The following HIVEP3 variants were observed in gnomAD, a reference collection of about 807,000 sequenced individuals.
The protein encoded by HIVEP3 is transcription factor HIVEP3.
In HIVEP3, 49 loss-of-function variants were observed where a neutral mutation model predicts 152.8. The ratio of observed to expected loss-of-function variants is 0.32; its 90% CI spans 0.26 to 0.41. The LOEUF (loss-of-function observed/expected upper bound fraction) is 0.41. Ranked by LOEUF, HIVEP3 falls within the 10% of genes least tolerant of loss-of-function variation. The pLI is 1.00. For missense variants in HIVEP3, 2,790 were observed against 3,103.3 expected, an observed-to-expected ratio of 0.90 and a Z score of 2.40; for synonymous variants, 1,269 against 1,289.0, an observed-to-expected ratio of 0.98 and a Z score of 0.33.
At position 41,861,856 on chromosome 1, in the gene HIVEP3, C is replaced by T. The variant is rs139003858; in HGVS notation, c.-801+56557G>A. 3.5e-3 allele frequency among the ~76,000 whole-genome samples: 529 copies of T among 152,186 alleles called. 1 individual carries two copies. Among genetic ancestry groups the T allele is most frequent in the African/African-American group, 0.011 (477 of 41,514 alleles). On this transcript the variant is annotated intron_variant, in intron 1 of 8. Transcript: ENST00000372583. ...GCTTTTTGTGGGGATGCAGACTAGA[C>T]GAGAGGTGATGAGAACATTAGAAAG...
At chr1:41,968,748 A>G (rs1645212955) in intron 1 of HIVEP3, among the ~76,000 whole-genome samples, 1 of 152,218 alleles carries the variant, frequency 6.6e-6, no homozygotes, top group Non-Finnish European at 1.5e-5. Flanking sequence ...TTATTCAAAT[A>G]GAAACAGAGG....
intron 1 of HIVEP3, among the ~76,000 whole-genome samples, chr1:41,704,441 T>A (rs1646405647): frequency 6.6e-6 from 1 of 152,198 alleles, no homozygotes. Context: ...GCTTAGAGAA[T>A]TCCTTGCAAG....
At chr1:41,784,825 T>C (rs1649254507) in intron 1 of HIVEP3, among the ~76,000 whole-genome samples, 1 of 152,178 alleles carries the variant, frequency 6.6e-6, no homozygotes, top group Admixed American at 6.5e-5. Context: ...ACAAAACAGG[T>C]TTCTGGTGAG....
rs370392307 is a variant in HIVEP3 at position 41,510,582 on chromosome 1, G to C, written c.7090C>G (p.Arg2364Gly). Residue 2364 changes from arginine (R) to glycine (G), a missense_variant, in exon 9 of 9, where the codon CGC becomes GGC. By Grantham distance (125) the Arg-to-Gly change is moderately radical. This residue lies in a region of HIVEP3 where 816 missense variants were observed against 806.5 expected (regional missense o/e 1.01). Transcript: ENST00000372583. ...AGGTTCCTCGTCCGGGCTGGGAAGCGGGCAGAGGCCTCTGCCAGGCAGCCC... is the reference window on the plus strand; with the variant it reads ...AGGTTCCTCGTCCGGGCTGGGAAGCCGGCAGAGGCCTCTGCCAGGCAGCCC... ...SVGCLAEASARFPARTRNLSG... is the reference protein window; with the variant it reads ...SVGCLAEASAGFPARTRNLSG... 35 of 1,559,140 alleles carry C rather than the reference G, an allele frequency of 2.2e-5. No homozygotes were observed. The African/African-American group carries it at 4.1e-4, about 18-fold the overall frequency.
intron 2 of HIVEP3, among the ~76,000 whole-genome samples, chr1:41,642,125 C>T (rs980961112): frequency 6.6e-6 from 1 of 152,224 alleles, no homozygotes; most frequent in Non-Finnish European, 1.5e-5. Context: ...TGCCCATCCT[C>T]TCTTGTGTGA....
chr1:41,522,172 A>G (rs534797122), intron 6 of HIVEP3, among the ~76,000 whole-genome samples: 1 of 152,290 alleles, frequency 6.6e-6, no homozygotes, highest in East Asian at 1.9e-4. Context: ...AGCCCCGGAG[A>G]CAAGGGGCCT....
At chr1:41,946,147 A>G (rs1231171193) in intron 1 of HIVEP3, among the ~76,000 whole-genome samples, 3 of 152,228 alleles carry the variant, frequency 2.0e-5, no homozygotes, top group Non-Finnish European at 4.4e-5. Flanking sequence ...AGTGCAGTCT[A>G]CAAGGACGCT....
chr1:41,676,060 CTTT>C (rs564390010), intron 2 of HIVEP3, among the ~76,000 whole-genome samples: 1 of 147,292 alleles, frequency 6.8e-6, no homozygotes. Flanking sequence ...TCTTTTCTTT[CTTT>C]TTTTTTTTGA....
In HIVEP3 at chr1:41,739,096, G is replaced by A. The variant is rs1230534581; in HGVS notation, c.-800-38101C>T. Among the ~76,000 whole-genome samples, 4 of 152,250 alleles carry A rather than the reference G, an allele frequency of 2.6e-5. No individual in the cohort carries two copies. In the East Asian group the frequency reaches 7.7e-4, roughly 29 times the overall value. Reference sequence around the variant, plus strand: ...AAACAGAAATGTCTGAAAATAGAACGTGAATCGATGCCCCCGACTTGCTGC... The same window carrying A: ...AAACAGAAATGTCTGAAAATAGAACATGAATCGATGCCCCCGACTTGCTGC... On this transcript the variant is annotated intron_variant, in intron 1 of 8. Coordinates refer to ENST00000372583, the MANE Select transcript of HIVEP3 (RefSeq NM_024503.5).
intron 1 of HIVEP3, among the ~76,000 whole-genome samples, chr1:41,779,576 AC>A (rs1444899327): frequency 4.0e-5 from 6 of 151,732 alleles, no homozygotes; most frequent in Non-Finnish European, 8.8e-5. Context: ...GCTCATTGCA[AC>A]CTCCACCTCC....
At chr1:42,020,130 T>C (rs1406681648) in intron 1 of HIVEP3, among the ~76,000 whole-genome samples, 2 of 152,104 alleles carry the variant, frequency 1.3e-5, no homozygotes, top group Non-Finnish European at 2.9e-5. Context: ...TATTTCTGTA[T>C]CTATGTCCAG....
At chr1:41,927,942 T>G (rs1162127441) in intron 1 of HIVEP3, among the ~76,000 whole-genome samples, 1 of 149,900 alleles carries the variant, frequency 6.7e-6, no homozygotes, top group Non-Finnish European at 1.5e-5. Context: ...GTGCCTATAA[T>G]CCCAGCTACT....
At chr1:41,839,585 C>G (rs1643225871) in intron 1 of HIVEP3, among the ~76,000 whole-genome samples, 1 of 152,214 alleles carries the variant, frequency 6.6e-6, no homozygotes, top group South Asian at 2.1e-4. Flanking sequence ...ATGGAACTAA[C>G]AAATCGCAGG....
At chr1:41,912,070 C>T (rs1052376109) in intron 1 of HIVEP3, among the ~76,000 whole-genome samples, 10 of 152,106 alleles carry the variant, frequency 6.6e-5, no homozygotes, top group Non-Finnish European at 1.2e-4. Flanking sequence ...TTCACAAACA[C>T]GCATAACTAG....
chr1:41,582,455 C>T lies in HIVEP3; in HGVS notation c.2343G>A (p.Gly781=). ...TCTCCTTCCCTGATTCTGAACCGGA[C>T]CCTGGCTTGGGAGTCCTTGGCTGGA... ...TGFQPRTPKP[G]SGSESGKERR... is the part of the protein sequence containing the mutation. Residue 781 remains glycine, a synonymous_variant, in exon 4 of 9, where the codon GGG becomes GGA. Coordinates refer to ENST00000372583, the MANE Select transcript of HIVEP3 (RefSeq NM_024503.5). This position sits in a 1 kb window ranked among gnomAD's most constrained non-coding sequence, Gnocchi z 4.7. 1.2e-6 allele frequency: 2 copies of T among 1,614,020 alleles called. No homozygotes were observed. The highest frequency in any genetic ancestry group is 1.7e-6 in the Non-Finnish European group (2 of 1,179,874).
At position 41,507,412 on chromosome 1, in the gene HIVEP3, G is replaced by C. The variant is rs560285445; in HGVS notation, c.*3039C>G. On this transcript the variant is annotated 3_prime_UTR_variant, in exon 9 of 9. Coordinates refer to ENST00000372583, the MANE Select transcript of HIVEP3 (RefSeq NM_024503.5). The stretch of plus-strand genomic sequence containing the variant: ...TACTACCCAGGATGGCCCTGAGATT[G>C]CCAAGGGTGAAAGGCATCGTGGAGC... 21 of 152,428 alleles carry C rather than the reference G, an allele frequency of 1.4e-4. No individual in the cohort carries two copies. Among genetic ancestry groups the C allele is most frequent in the African/African-American group, 4.8e-4 (20 of 41,566 alleles). The allele number at this position is 152,428 out of a possible 1,614,324, so 9.4% of individuals were successfully genotyped here. A position where few individuals can be genotyped will look rare whatever the true frequency, so the allele number is the denominator to read the frequency against.
intron 1 of HIVEP3, among the ~76,000 whole-genome samples, chr1:41,982,803 T>A (rs1373746251): frequency 1.3e-5 from 2 of 152,350 alleles, no homozygotes; most frequent in East Asian, 3.9e-4. Context: ...AGGGAGGGAC[T>A]ATTTGGTATC....
intron 1 of HIVEP3, among the ~76,000 whole-genome samples, chr1:41,925,154 C>CA (rs1215757525): frequency 6.6e-6 from 1 of 152,112 alleles, no homozygotes; most frequent in Non-Finnish European, 1.5e-5. Flanking sequence ...ACAAAACAAA[C>CA]AAAAAACAGA....
chr1:41,883,383 G>A (rs1384480978), intron 1 of HIVEP3, among the ~76,000 whole-genome samples: 2 of 152,108 alleles, frequency 1.3e-5, no homozygotes, highest in Non-Finnish European at 2.9e-5. Flanking sequence ...TAGCCAAGAG[G>A]TGTCTCCCAC....
Sources: allele counts gnomAD v4.1 joint callset (sites outside exome capture counted in the v4.1 genomes callset), GRCh38; gene constraint gnomAD v4.1.1; regional missense constraint gnomAD v4.1.1; non-coding constraint Gnocchi (gnomAD v3.1); transcripts MANE v1.5; gene names NCBI Gene and HGNC (gene_info 2026-07-23, HGNC 2026-07-21).